MAPK12: variants seen among roughly 807,000 people sequenced by gnomAD.
The protein encoded by MAPK12 is mitogen-activated protein kinase 12.
A neutral mutation model predicts 49.1 loss-of-function variants in MAPK12; 49 were observed. That is an observed-to-expected ratio of 1.00 (90% CI 0.79 to 1.27). The LOEUF (loss-of-function observed/expected upper bound fraction) is 1.27. Ranked by LOEUF, MAPK12 falls within the 50% of genes most tolerant of loss-of-function variation. MAPK12 has a pLI of 0.00. For synonymous variants in MAPK12, 251 were observed against 209.7 expected, an observed-to-expected ratio of 1.20 and a Z score of -1.70; for missense variants, 554 against 502.4, an observed-to-expected ratio of 1.10 and a Z score of -0.98.
Position 50,252,982 on chromosome 22 carries a change from G to A in MAPK12, c.*419C>T, listed in dbSNP as rs1056985963. ...TTTACATTCCAGGCTGGGGGTGCAG[G>A]AAGGTCCACTGACGTCGCCCAGGAG... On this transcript the variant is annotated 3_prime_UTR_variant, in exon 12 of 12. Transcript: ENST00000215659. The A allele has an allele frequency of 7.3e-6, 2 of 273,782 alleles. No homozygotes were observed. The highest frequency in any genetic ancestry group is 4.9e-5 in the Admixed American group (1 of 20,270). 17.0% of individuals were successfully genotyped at this position (273,782 alleles called of 1,614,324 possible).
chr22:50,256,817 G>A (rs2065155033), intron 5 of MAPK12, 118 bp downstream of exon 5: 3 of 1,522,102 alleles, frequency 2.0e-6, no homozygotes, highest in East Asian at 2.3e-5. Context: ...CCCACCAGGG[G>A]CTGTGCATAG....
rs148670675 is a variant in MAPK12 at position 50,256,616 on chromosome 22, C to T, written c.487G>A (p.Glu163Lys). ...DLKPGNLAVNEDCELKILDFG... is the reference protein window; with the variant it reads ...DLKPGNLAVNKDCELKILDFG... ...GCACACACCTTCAGCTCACAGTCTT[C>T]GTTCACAGCCAGGTTGCCGGGCTTC... The change falls in exon 6 of 12, where the codon GAA (glutamate) becomes AAA (lysine). Residue 163 changes from glutamate to lysine, a missense_variant. Transcript: ENST00000215659. 1.5e-4 allele frequency: 238 copies of T among 1,612,032 alleles called. No individual in the cohort carries two copies. The African/African-American group carries it at 2.8e-3, about 19-fold the overall frequency.
At chr22:50,257,011 G>A (rs1000851417) in intron 4 of MAPK12, 47 bp from the exon 5 acceptor site, 4 of 1,602,918 alleles carry the variant, frequency 2.5e-6, no homozygotes, top group South Asian at 1.1e-5. Flanking sequence ...CCCTCTCAGA[G>A]CCACAGGGCC....
intron 9 of MAPK12, 32 bp downstream of exon 9, chr22:50,255,583 C>CCCCCCCCCCCCCCCCCCCCCCCACCCCCA: frequency 1.9e-6 from 3 of 1,604,686 alleles, no homozygotes; most frequent in Non-Finnish European, 2.6e-6. Flanking sequence ...GGTCCGCCCC[C>CCCCCCCCCCCCCCCCCCCCCCCACCCCCA]ACCCCCACCC....
At chr22:50,254,223 C>T (rs1486964612) in intron 11 of MAPK12, 1 of 152,768 alleles carries the variant, frequency 6.5e-6, no homozygotes, top group Non-Finnish European at 1.5e-5. Flanking sequence ...AGGGGATAGC[C>T]CCTGGTATAG....
Position 50,253,441 on chromosome 22 carries a change from C to A in MAPK12, c.1064G>T (p.Arg355Leu). ...YKEVLSFKPP[R>L]QLGARVSKET... ...CTTGGAGACCCTGGCCCCCAGCTGCCGGGGAGGCTTGAAGCTGAGCACCTC... is the reference window on the plus strand; with the variant it reads ...CTTGGAGACCCTGGCCCCCAGCTGCAGGGGAGGCTTGAAGCTGAGCACCTC... The change falls in exon 12 of 12, where the codon CGG becomes CTG. Residue 355 changes from arginine to leucine, a missense_variant. By Grantham distance (102) the Arg-to-Leu change is moderately radical. Transcript: ENST00000215659. 2 of 1,361,218 alleles carry A rather than the reference C, an allele frequency of 1.5e-6. No homozygotes were observed. Among genetic ancestry groups the A allele is most frequent in the African/African-American group, 1.8e-5 (1 of 56,536 alleles). The allele number at this position is 1,361,218 out of a possible 1,614,324, so 84.3% of individuals were successfully genotyped here. A position where few individuals can be genotyped will look rare whatever the true frequency, so the allele number is the denominator to read the frequency against.
At chr22:50,256,285 G>T in intron 6 of MAPK12, 86 bp from the exon 7 acceptor site, 1 of 1,038,982 alleles carries the variant, frequency 9.6e-7, no homozygotes, top group Non-Finnish European at 1.4e-6. Context: ...CCGGGGGGTT[G>T]GACTTGAAGC....
intron 7 of MAPK12, 29 bp downstream of exon 7, chr22:50,256,056 G>C: frequency 6.3e-7 from 1 of 1,591,826 alleles, no homozygotes; most frequent in Non-Finnish European, 8.6e-7. Flanking sequence ...TGCAGCCTGA[G>C]AGGCCCAGAT....
At position 50,261,515 on chromosome 22, in the gene MAPK12, G is replaced by A. The variant is rs1191428817; in HGVS notation, c.-6C>T. 3 of 1,169,148 alleles carry A rather than the reference G, an allele frequency of 2.6e-6. No individual in the cohort carries two copies. Among genetic ancestry groups the A allele is most frequent in the Non-Finnish European group, 3.2e-6 (3 of 930,274 alleles). The allele number at this position is 1,169,148 out of a possible 1,614,324, so 72.4% of individuals were successfully genotyped here. ...GCGGGCGGCGGAGAGCTCATGGCAG[G>A]CCCGGGAGCTGCCCACCCCGCAGAG... On this transcript the variant is annotated 5_prime_UTR_variant, in exon 1 of 12. Transcript: ENST00000215659.
Position 50,256,148 on chromosome 22 carries a change from C to T in MAPK12, c.556G>A (p.Val186Met), listed in dbSNP as rs762283204. ...GGAGCCCGGTACCACCGGGTCACCACGTACCCAGTCATCTCACTGTCTGCC... is the reference window on the plus strand; with the variant it reads ...GGAGCCCGGTACCACCGGGTCACCATGTACCCAGTCATCTCACTGTCTGCC... ...RQADSEMTGY[V>M]VTRWYRAPEV... The change falls in exon 7 of 12, where the codon GTG becomes ATG. Residue 186 changes from valine to methionine, a missense_variant. Coordinates refer to ENST00000215659, the MANE Select transcript of MAPK12 (RefSeq NM_002969.6). The T allele has an allele frequency of 1.2e-5, 20 of 1,612,780 alleles. No individual in the cohort carries two copies. Among genetic ancestry groups the T allele is most frequent in the East Asian group, 2.2e-5 (1 of 44,882 alleles).
In MAPK12 at chr22:50,256,926, G is replaced by C. The variant is rs140699276; in HGVS notation, c.456+9C>G. ...AGGGCTGATGAGCGGCTTCTCCACC[G>C]GGACTCACTCTGTGGATGATGCCGG... On this transcript the variant is annotated intron_variant, in intron 5 of 11. Coordinates refer to ENST00000215659, the MANE Select transcript of MAPK12 (RefSeq NM_002969.6). 1.6e-4 allele frequency: 254 copies of C among 1,605,396 alleles called. No homozygotes were observed. The highest frequency in any genetic ancestry group is 8.3e-4 in the Middle Eastern group (5 of 6,040).
intron 11 of MAPK12, 22 bp from the exon 12 acceptor site, chr22:50,253,502 G>GGGGGGGT: frequency 1.2e-5 from 2 of 171,686 alleles, no homozygotes; most frequent in South Asian, 8.9e-5. Context: ...GGGGGGGCGG[G>GGGGGGGT]CACAACAGAG....
intron 4 of MAPK12, 33 bp from the exon 5 acceptor site, chr22:50,256,997 C>T (rs760391695): frequency 3.7e-6 from 6 of 1,604,624 alleles, no homozygotes; most frequent in Non-Finnish European, 5.1e-6. Flanking sequence ...CAGGCTTCAG[C>T]GCACCCTCTC....
chr22:50,259,181 G>C (rs1030136087), intron 2 of MAPK12, among the ~76,000 whole-genome samples: 2 of 152,220 alleles, frequency 1.3e-5, no homozygotes, highest in South Asian at 4.1e-4. Flanking sequence ...GGACAGCTCC[G>C]CCGGAGCCAC....
At chr22:50,257,294 G>T in intron 3 of MAPK12, 101 bp from the exon 4 acceptor site, 1 of 856,498 alleles carries the variant, frequency 1.2e-6, no homozygotes, top group African/African-American at 1.7e-5. Context: ...GGATCCAACA[G>T]GCACCCCCAG....
intron 2 of MAPK12, 163 bp downstream of exon 2, chr22:50,261,004 G>C (rs1486053646): frequency 3.8e-6 from 3 of 788,384 alleles, no homozygotes; most frequent in Non-Finnish European, 5.5e-6. Context: ...CTCCCAAGGA[G>C]AGACAGGCCT....
Position 50,261,442 on chromosome 22 carries a change from A to T in MAPK12, c.68T>A (p.Val23Glu). The T allele has an allele frequency of 7.8e-7, 1 of 1,274,074 alleles. No individual in the cohort carries two copies. Among genetic ancestry groups the T allele is most frequent in the East Asian group, 5.2e-5 (1 of 19,332 alleles). 78.9% of individuals were successfully genotyped at this position (1,274,074 alleles called of 1,614,324 possible). The change falls in exon 1 of 12, where the codon GTG becomes GAG. Residue 23 changes from valine to glutamate, a missense_variant. Transcript: ENST00000215659. ...RQEVTKTAWE[V>E]RAVYRDLQPV... ...CTGCAGGTCCCGGTACACGGCGCGC[A>T]CCTCCCAGGCCGTCTTGGTCACCTC... is the stretch of plus-strand genomic sequence containing the variant.
intron 3 of MAPK12, chr22:50,257,935 A>T (rs777856199): frequency 1.3e-6 from 1 of 773,586 alleles, no homozygotes; most frequent in South Asian, 1.4e-5. Context: ...GGTCCCGAGC[A>T]CGGGACCTTC....
chr22:50,253,502 G>GGTGGC, intron 11 of MAPK12, 22 bp from the exon 12 acceptor site: 2 of 171,686 alleles, frequency 1.2e-5, no homozygotes, highest in Non-Finnish European at 2.3e-5. Flanking sequence ...GGGGGGGCGG[G>GGTGGC]CACAACAGAG....
Sources: allele counts gnomAD v4.1 joint callset (sites outside exome capture counted in the v4.1 genomes callset), GRCh38; gene constraint gnomAD v4.1.1; transcripts MANE v1.5; gene names NCBI Gene and HGNC (gene_info 2026-07-23, HGNC 2026-07-21).